The following ADCY10 variants were observed in gnomAD, a reference collection of about 807,000 sequenced individuals.
ADCY10 encodes adenylate cyclase 10, also known as adenylate cyclase type 10.
Under a neutral mutation model 183.3 loss-of-function variants are expected in ADCY10, and 156 were observed. The observed-to-expected ratio is 0.85, with a 90% CI of 0.75 to 0.97. The LOEUF (loss-of-function observed/expected upper bound fraction) is 0.97. Ranked by LOEUF, ADCY10 falls within the 50% of genes least tolerant of loss-of-function variation. The pLI, the probability that ADCY10 is intolerant of heterozygous loss-of-function variation, is 0.00. For missense variants in ADCY10, 1,745 were observed against 1,934.3 expected, an observed-to-expected ratio of 0.90 and a Z score of 1.84; for synonymous variants, 645 against 670.0, an observed-to-expected ratio of 0.96 and a Z score of 0.58.
At chr1:167,896,815 A>T in intron 6 of ADCY10, 124 bp from the exon 7 acceptor site, 1 of 699,590 alleles carries the variant, frequency 1.4e-6, no homozygotes, top group Non-Finnish European at 2.5e-6. Context: ...CTTAAACACC[A>T]AGACTATTTG....
intron 14 of ADCY10, among the ~76,000 whole-genome samples, chr1:167,866,048 T>G (rs203807): frequency 0.097 from 14,744 of 152,200 alleles, 1,833 homozygotes; most frequent in African/African-American, 0.27. Flanking sequence ...AGACCTGAAG[T>G]GATGCAATGA....
intron 5 of ADCY10, 142 bp downstream of exon 5, chr1:167,901,519 TC>T: frequency 1.1e-6 from 1 of 877,022 alleles, no homozygotes; most frequent in South Asian, 1.3e-5. Context: ...AAATTCACAT[TC>T]TGATTGTCCT....
chr1:167,902,128 T>C lies in ADCY10; in HGVS notation c.254-74A>G, dbSNP rs192824725. 131 of 1,408,464 alleles carry C rather than the reference T, an allele frequency of 9.3e-5. 1 individual carries two copies. The East Asian group carries it at 2.5e-3, about 27-fold the overall frequency. 87.2% of individuals were successfully genotyped at this position (1,408,464 alleles called of 1,614,324 possible). ...GTAAAAAAACATCATTCTTTCTTAG[T>C]GGAATAGAAACTAGGTCAAAAGAAC... is the stretch of plus-strand genomic sequence containing the variant. On this transcript the variant is annotated intron_variant, in intron 3 of 32. Transcript: ENST00000367851.
chr1:167,834,343 C>T, intron 23 of ADCY10: 1 of 545,104 alleles, frequency 1.8e-6, no homozygotes, highest in Non-Finnish European at 3.3e-6. Flanking sequence ...CCTTTCTTCA[C>T]ACTATCATCT....
At chr1:167,862,110 TCTC>T (rs1358975585) in intron 14 of ADCY10, among the ~76,000 whole-genome samples, 1 of 152,204 alleles carries the variant, frequency 6.6e-6, no homozygotes, top group Non-Finnish European at 1.5e-5. Flanking sequence ...ACATTATCTC[TCTC>T]CTCCTCTTCT....
rs76872780 is a variant in ADCY10 at position 167,854,809 on chromosome 1, A to G, written c.2172-320T>C. Among the ~76,000 whole-genome samples the G allele has an allele frequency of 0.017, 2,569 of 152,244 alleles. 25 individuals are homozygous for G. The highest frequency in any genetic ancestry group is 0.071 in the Middle Eastern group (21 of 294). On this transcript the variant is annotated intron_variant, in intron 17 of 32. Coordinates refer to ENST00000367851, the MANE Select transcript of ADCY10 (RefSeq NM_018417.6). ...CCTTTTTGGCTTTGGAAAGATATACATGTTCTATATAATTTAAACAGAGAG... is the reference window on the plus strand; with the variant it reads ...CCTTTTTGGCTTTGGAAAGATATACGTGTTCTATATAATTTAAACAGAGAG...
chr1:167,841,389 T>C (rs566983934), intron 21 of ADCY10, among the ~76,000 whole-genome samples: 2 of 152,160 alleles, frequency 1.3e-5, no homozygotes, highest in African/African-American at 2.4e-5. Context: ...TTCCTCTGTC[T>C]TTACATGAAT....
rs202156080 is a variant in ADCY10, at chr1:167,824,027, T to TA, written c.4052+448dup. Among the ~76,000 whole-genome samples the TA allele has an allele frequency of 6.9e-4, 105 of 152,158 alleles. 2 individuals are homozygous for TA. The East Asian group carries it at 0.013, about 18-fold the overall frequency. ...GCAAGGCAAAGAATTCTGTTTAAAATAAAAAAGACAAGGCCTGGCGCAGTG... is the reference window on the plus strand; with the variant it reads ...GCAAGGCAAAGAATTCTGTTTAAAATAAAAAAAGACAAGGCCTGGCGCAGTG... On this transcript the variant is annotated intron_variant, in intron 28 of 32. Transcript: ENST00000367851.
At chr1:167,849,932 G>A (rs1168447510) in intron 18 of ADCY10, among the ~76,000 whole-genome samples, 2 of 152,148 alleles carry the variant, frequency 1.3e-5, no homozygotes, top group African/African-American at 4.8e-5. Context: ...GGCCTGGAGT[G>A]CTCAGGTGCT....
intron 30 of ADCY10, chr1:167,820,118 G>C (rs1167744394): frequency 6.4e-7 from 1 of 1,557,198 alleles, no homozygotes; most frequent in African/African-American, 1.4e-5. Flanking sequence ...GTTTCCTTTT[G>C]GACCATGACT....
chr1:167,903,643 T>C (rs539705235), intron 3 of ADCY10, among the ~76,000 whole-genome samples: 1 of 152,314 alleles, frequency 6.6e-6, no homozygotes, highest in East Asian at 1.9e-4. Flanking sequence ...TTAAAAGCAG[T>C]GTATAATTCA....
intron 25 of ADCY10, among the ~76,000 whole-genome samples, chr1:167,830,250 T>C (rs1364601673): frequency 6.6e-6 from 1 of 152,090 alleles, no homozygotes; most frequent in Non-Finnish European, 1.5e-5. Flanking sequence ...ACTTTTCCCC[T>C]TTAAATACTG....
intron 28 of ADCY10, among the ~76,000 whole-genome samples, chr1:167,824,100 C>T (rs1571223416): frequency 6.6e-6 from 1 of 152,304 alleles, no homozygotes; most frequent in African/African-American, 2.4e-5. Context: ...GTGGGTGGGT[C>T]ACTTGAGGTC....
intron 17 of ADCY10, among the ~76,000 whole-genome samples, 172 bp downstream of exon 17, chr1:167,855,993 A>T (rs569557328): frequency 6.6e-6 from 1 of 152,292 alleles, no homozygotes; most frequent in South Asian, 2.1e-4. Context: ...ACAGAGTAAG[A>T]CCCTGTCTCA....
intron 5 of ADCY10, among the ~76,000 whole-genome samples, chr1:167,900,480 A>G (rs1669327989): frequency 1.3e-5 from 2 of 152,180 alleles, no homozygotes; most frequent in African/African-American, 4.8e-5. Context: ...CTTAGAAAAA[A>G]TATTCAGTAT....
chr1:167,827,605 T>G (rs182048410), intron 26 of ADCY10, among the ~76,000 whole-genome samples: 7 of 152,130 alleles, frequency 4.6e-5, no homozygotes, highest in African/African-American at 1.4e-4. Flanking sequence ...CCTAGACTAG[T>G]GGTTCTCCCA....
At position 167,836,554 on chromosome 1, in the gene ADCY10, G is replaced by A; in HGVS notation, c.3078-14C>T. ...ATTTCTTCAGGACTGTCCATATGCA[G>A]AAATAAATAATAGTAACTTATACAG... On this transcript the variant is annotated splice_polypyrimidine_tract_variant and intron_variant, in intron 22 of 32. Coordinates refer to ENST00000367851, the MANE Select transcript of ADCY10 (RefSeq NM_018417.6). The A allele has an allele frequency of 2.0e-6, 3 of 1,505,906 alleles. No homozygotes were observed. Among genetic ancestry groups the A allele is most frequent in the Admixed American group, 1.7e-5 (1 of 59,812 alleles). The allele number at this position is 1,505,906 out of a possible 1,614,324, so 93.3% of individuals were successfully genotyped here. A position where few individuals can be genotyped will look rare whatever the true frequency, so the allele number is the denominator to read the frequency against.
chr1:167,878,476 A>G lies in ADCY10; in HGVS notation c.1376T>C (p.Leu459Ser), dbSNP rs1242174818. The G allele has an allele frequency of 2.8e-5, 46 of 1,614,118 alleles. No homozygotes were observed. The highest frequency in any genetic ancestry group is 3.8e-5 in the Non-Finnish European group (45 of 1,180,032). ...CTCAGTACGGCCCCAATACTGATAC[A>G]ATGGTCCAGAATCTGCAACACCTTT... ...VMKGVADSGPLYQYWGRTEKV... is the reference protein window; with the variant it reads ...VMKGVADSGPSYQYWGRTEKV... Residue 459 changes from leucine to serine, a missense_variant, in exon 12 of 33, where the codon TTG becomes TCG. Leu to Ser is a moderately radical substitution (Grantham distance 145). Coordinates refer to ENST00000367851, the MANE Select transcript of ADCY10 (RefSeq NM_018417.6).
intron 8 of ADCY10, among the ~76,000 whole-genome samples, chr1:167,886,246 C>G (rs1299109568): frequency 6.6e-6 from 1 of 152,102 alleles, no homozygotes; most frequent in Non-Finnish European, 1.5e-5. Flanking sequence ...TCAAGATAAT[C>G]CTAAGCAAAA....
Sources: gnomAD v4.1 joint callset for allele counts (sites outside exome capture counted in the v4.1 genomes callset) on GRCh38, gnomAD v4.1.1 for gene constraint, MANE v1.5 for transcripts, NCBI Gene and HGNC (gene_info 2026-07-23, HGNC 2026-07-21) for gene names.